Variants in KCNK2 observed in about 807,000 individuals in gnomAD.
The protein encoded by KCNK2 is potassium two pore domain channel subfamily K member 2, also known as potassium channel subfamily K member 2.
A neutral mutation model predicts 40.5 loss-of-function variants in KCNK2; 21 were observed. The observed-to-expected ratio is 0.52, with a 90% CI of 0.37 to 0.75. KCNK2 has a LOEUF of 0.75. Among genes scored for constraint, KCNK2 ranks in the 30% least tolerant of loss-of-function variants. The pLI is 0.00. For missense variants in KCNK2, 399 were observed against 531.6 expected (o/e 0.75, Z 2.45); for synonymous variants, 191 against 202.2 (o/e 0.94, Z 0.47).
At position 215,035,521 on chromosome 1, in the gene KCNK2, C is replaced by G. The variant is rs374511083; in HGVS notation, c.34+29566C>G. On this transcript the variant is annotated intron_variant, in intron 1 of 6. Coordinates refer to the KCNK2 transcript ENST00000391895. ...TATGATTGAATCTTACATATGTAGTCTTTTGGTCTGCCTTCTTTCACCTGG... is the reference window on the plus strand; with the variant it reads ...TATGATTGAATCTTACATATGTAGTGTTTTGGTCTGCCTTCTTTCACCTGG... Among the ~76,000 whole-genome samples the G allele has an allele frequency of 3.9e-5, 6 of 152,130 alleles. No individual in the cohort carries two copies. In the East Asian group the frequency reaches 1.2e-3, roughly 29 times the overall value.
chr1:215,009,093 T>G (rs537743379), intron 1 of KCNK2, among the ~76,000 whole-genome samples: 10 of 152,090 alleles, frequency 6.6e-5, no homozygotes, highest in African/African-American at 2.4e-4. Context: ...AAGAAATGAT[T>G]TTTTTTTGAA....
chr1:215,007,184 G>GGT lies in KCNK2; in HGVS notation c.34+1230_34+1231dup, dbSNP rs1336211628. Among the ~76,000 whole-genome samples the GGT allele has an allele frequency of 5.5e-4, 9 of 16,238 alleles. No homozygotes were observed. In the East Asian group the frequency reaches 0.014, roughly 25 times the overall value. 10.7% of individuals were successfully genotyped at this position (16,238 alleles called of 152,430 possible). On this transcript the variant is annotated intron_variant, in intron 1 of 6. Coordinates refer to the KCNK2 transcript ENST00000391895. ...ATGTATATATATATGTATGTGTGTG[G>GGT]GTATATATATATATATATATATATA...
Position 215,071,323 on chromosome 1 carries a change from T to A in KCNK2, c.35-15045T>A, listed in dbSNP as rs144055882. 5.3e-4 allele frequency among the ~76,000 whole-genome samples: 81 copies of A among 152,312 alleles called. 1 individual carries two copies. The highest frequency in any genetic ancestry group is 1.8e-3 in the African/African-American group (76 of 41,560). On this transcript the variant is annotated intron_variant, in intron 1 of 6. Coordinates refer to the KCNK2 transcript ENST00000391895. ...CATGCACATTATCACATAGAGGGGTTTGCAGGGATGATAGATGAGAGTGTC... is the reference window on the plus strand; with the variant it reads ...CATGCACATTATCACATAGAGGGGTATGCAGGGATGATAGATGAGAGTGTC...
Position 215,086,114 on chromosome 1 carries a change from C to T in KCNK2, c.47-254C>T, listed in dbSNP as rs551791062. ...GCATTCTTTTCTTTTTTTGAAGTTT[C>T]TTGGTTCGACTCCAGTTTTTTTCCT... On this transcript the variant is annotated intron_variant, in intron 1 of 6. Transcript: ENST00000444842. 2.0e-5 allele frequency among the ~76,000 whole-genome samples: 3 copies of T among 152,112 alleles called. No individual in the cohort carries two copies. The East Asian group carries it at 5.8e-4, about 29-fold the overall frequency.
intron 4 of KCNK2, among the ~76,000 whole-genome samples, chr1:215,169,617 T>C (rs992976318): frequency 3.4e-5 from 5 of 145,542 alleles, no homozygotes; most frequent in African/African-American, 1.3e-4. Flanking sequence ...TAGATTCAAA[T>C]TTCTTTTACT....
Position 215,083,367 on chromosome 1 carries a change from T to G in KCNK2, c.-19T>G. ...CAAGTCCGTCTTTTTCAAAAAACAT[T>G]TTGAATGCTGCATGCCTCATGCTTC... On this transcript the variant is annotated 5_prime_UTR_variant, in exon 1 of 7. In the 5' UTR this introduces an upstream ATG that the reference lacks. Transcript: ENST00000444842. 2 of 1,614,068 alleles carry G rather than the reference T, an allele frequency of 1.2e-6. No individual in the cohort carries two copies. Among genetic ancestry groups the G allele is most frequent in the Non-Finnish European group, 1.7e-6 (2 of 1,180,004 alleles).
chr1:215,110,737 C>T (rs146918387), intron 2 of KCNK2, among the ~76,000 whole-genome samples: 5 of 122,722 alleles, frequency 4.1e-5, no homozygotes, highest in African/African-American at 1.0e-4. Context: ...AGTGATTTCC[C>T]ATATATTCCC....
At chr1:215,110,652 C>A (rs1490758851) in intron 2 of KCNK2, among the ~76,000 whole-genome samples, 1 of 151,920 alleles carries the variant, frequency 6.6e-6, no homozygotes, top group Admixed American at 6.6e-5. Context: ...TTTCTAATCC[C>A]AAACATTTTT....
chr1:215,132,759 A>T (rs1382252431), intron 3 of KCNK2, among the ~76,000 whole-genome samples: 1 of 152,202 alleles, frequency 6.6e-6, no homozygotes, highest in Non-Finnish European at 1.5e-5. Flanking sequence ...TTCTAAGTTA[A>T]AATGTGTTTC....
At chr1:215,085,777 C>T (rs74143650) in intron 1 of KCNK2, among the ~76,000 whole-genome samples, 2,610 of 152,236 alleles carry the variant, frequency 0.017, 76 homozygotes, top group African/African-American at 0.06. Flanking sequence ...ATTCGACCAT[C>T]GAGTGGTTTA....
intron 3 of KCNK2, among the ~76,000 whole-genome samples, chr1:215,137,660 C>T (rs1165111497): frequency 1.3e-5 from 2 of 152,122 alleles, no homozygotes; most frequent in African/African-American, 4.8e-5. Flanking sequence ...TATTTACTTC[C>T]TTCAGGTGAA....
At chr1:215,050,236 T>C (rs975113780) in intron 1 of KCNK2, among the ~76,000 whole-genome samples, 2 of 152,170 alleles carry the variant, frequency 1.3e-5, no homozygotes, top group African/African-American at 4.8e-5. Flanking sequence ...AAGTATCTCA[T>C]TTTATTTGGA....
At chr1:215,050,587 T>G (rs1657952912) in intron 1 of KCNK2, among the ~76,000 whole-genome samples, 1 of 152,154 alleles carries the variant, frequency 6.6e-6, no homozygotes, top group African/African-American at 2.4e-5. Context: ...AAAAAAAGTT[T>G]GATGTACCAG....
At chr1:215,166,121 C>A (rs1384414491) in intron 3 of KCNK2, among the ~76,000 whole-genome samples, 2 of 152,056 alleles carry the variant, frequency 1.3e-5, no homozygotes, top group African/African-American at 4.8e-5. Flanking sequence ...TGTAAACATG[C>A]AGTTACCTCA....
chr1:215,219,238 A>G (rs1055005786), intron 6 of KCNK2, among the ~76,000 whole-genome samples: 5 of 152,186 alleles, frequency 3.3e-5, no homozygotes, highest in Admixed American at 6.5e-5. Context: ...TAAAGAAAAG[A>G]GGTTTGTACT....
chr1:215,193,558 T>C (rs1244968731), intron 5 of KCNK2, among the ~76,000 whole-genome samples: 9 of 152,174 alleles, frequency 5.9e-5, no homozygotes, highest in Non-Finnish European at 1.5e-5. Flanking sequence ...TCCTTGATGA[T>C]TCGGCCTGTA....
chr1:215,168,432 A>G (rs974050180), intron 3 of KCNK2, among the ~76,000 whole-genome samples: 1 of 152,222 alleles, frequency 6.6e-6, no homozygotes, highest in Non-Finnish European at 1.5e-5. Context: ...TATTTACAAT[A>G]TCAAAGTCAT....
In KCNK2 at chr1:215,175,460, G is replaced by A. The variant is rs185933672; in HGVS notation, c.823+3277G>A. ...AATGTCTGCCTCTGATTTTTTTTTT[G>A]TTTTGTTAAGCACATATTTTGATTT... On this transcript the variant is annotated intron_variant, in intron 5 of 6. Coordinates refer to ENST00000444842, the MANE Select transcript of KCNK2 (RefSeq NM_001017425.3). Among the ~76,000 whole-genome samples the A allele has an allele frequency of 2.6e-3, 368 of 142,174 alleles. 2 individuals are homozygous for A. The highest frequency in any genetic ancestry group is 8.2e-3 in the African/African-American group (327 of 39,670). 93.3% of individuals were successfully genotyped at this position (142,174 alleles called of 152,430 possible). A position where few individuals can be genotyped will look rare whatever the true frequency, so the allele number is the denominator to read the frequency against.
At chr1:215,011,079 T>C (rs1409407922) in intron 1 of KCNK2, among the ~76,000 whole-genome samples, 1 of 151,764 alleles carries the variant, frequency 6.6e-6, no homozygotes, top group Non-Finnish European at 1.5e-5. Flanking sequence ...CGTATAGTTC[T>C]ATGAGTTTTG....
Sources: gnomAD v4.1 joint callset for allele counts (sites outside exome capture counted in the v4.1 genomes callset) on GRCh38, gnomAD v4.1.1 for gene constraint, MANE v1.5 for transcripts, NCBI Gene and HGNC (gene_info 2026-07-23, HGNC 2026-07-21) for gene names.